The following AQR variants were observed in gnomAD, a reference collection of about 807,000 sequenced individuals.
AQR encodes the protein RNA helicase aquarius.
AQR carries 61 observed loss-of-function variants against 180.5 expected under a neutral mutation model. The observed-to-expected ratio is 0.34, with a 90% CI of 0.28 to 0.42. The LOEUF is 0.42. Ranked by LOEUF, AQR falls within the 10% of genes least tolerant of loss-of-function variation. The probability of loss-of-function intolerance (pLI) is 1.00; values close to 1 mark genes in which losing one functional copy is unlikely to be tolerated. For synonymous variants in AQR, 551 were observed against 588.8 expected, an observed-to-expected ratio of 0.94 and a Z score of 0.93; for missense variants, 1,281 against 1,798.3, an observed-to-expected ratio of 0.71 and a Z score of 5.20.
rs182560567 is a variant in AQR at position 34,940,821 on chromosome 15, C to A, written c.641+78G>T. ...GCACTCAGCACTATATAAAGGGAAA[C>A]AACAAACCAGTCAACATCATCTAAG... On this transcript the variant is annotated intron_variant, in intron 8 of 34. Coordinates refer to ENST00000156471, the MANE Select transcript of AQR (RefSeq NM_014691.3). 164 of 1,125,116 alleles carry A rather than the reference C, an allele frequency of 1.5e-4. 1 individual carries two copies. The Admixed American group carries it at 3.5e-3, about 24-fold the overall frequency. 69.7% of individuals were successfully genotyped at this position (1,125,116 alleles called of 1,614,324 possible). A position where few individuals can be genotyped will look rare whatever the true frequency, so the allele number is the denominator to read the frequency against.
At chr15:34,947,375 G>T (rs1350548095) in intron 5 of AQR, among the ~76,000 whole-genome samples, 1 of 150,446 alleles carries the variant, frequency 6.6e-6, no homozygotes, top group East Asian at 1.9e-4. Flanking sequence ...AAACACTGCG[G>T]AAGGCCACAG....
chr15:34,938,796 C>A lies in AQR; in HGVS notation c.659G>T (p.Arg220Ile), dbSNP rs761980117. 17 of 1,608,940 alleles carry A rather than the reference C, an allele frequency of 1.1e-5. No homozygotes were observed. The highest frequency in any genetic ancestry group is 1.7e-5 in the Admixed American group (1 of 59,762). Residue 220 changes from arginine (R) to isoleucine (I), a missense_variant, in exon 9 of 35, where the codon AGA becomes ATA. Arg to Ile is a moderately conservative substitution (Grantham distance 97). Transcript: ENST00000156471. ...CTTCTGGATGAGTTGTGAAAGAAAT[C>A]TCCTCTCTTGATATGCCCTAAAATC... ...EAREQAYQER[R>I]FLSQLIQKFI...
intron 23 of AQR, among the ~76,000 whole-genome samples, chr15:34,890,834 A>G (rs1893133779): frequency 6.6e-6 from 1 of 152,176 alleles, no homozygotes; most frequent in Admixed American, 6.5e-5. Context: ...GCACTCATTT[A>G]TTGCAAACTA....
intron 25 of AQR, among the ~76,000 whole-genome samples, chr15:34,885,136 T>C (rs1401656123): frequency 6.6e-6 from 1 of 152,212 alleles, no homozygotes; most frequent in Non-Finnish European, 1.5e-5. Flanking sequence ...TCTCCATATA[T>C]GGTAAGTTCA....
chr15:34,902,809 CAATA>C (rs1462582102), intron 19 of AQR, among the ~76,000 whole-genome samples: 2 of 152,220 alleles, frequency 1.3e-5, no homozygotes, highest in East Asian at 3.9e-4. Flanking sequence ...TTCGATCACT[CAATA>C]AATGTTTATT....
intron 1 of AQR, among the ~76,000 whole-genome samples, chr15:34,969,008 A>T (rs559091523): frequency 1.3e-5 from 2 of 152,336 alleles, no homozygotes; most frequent in South Asian, 4.1e-4. Context: ...CTCACAATGC[A>T]AGATAGTAAA....
chr15:34,961,564 C>G (rs916206154), intron 2 of AQR, among the ~76,000 whole-genome samples: 1 of 145,136 alleles, frequency 6.9e-6, no homozygotes, highest in Non-Finnish European at 1.5e-5. Flanking sequence ...GAGTCAAGAT[C>G]GCGCCACTGC....
rs1249828116 is a variant in AQR, at chr15:34,895,734, T to C, written c.2460+1163A>G. 3.3e-5 allele frequency among the ~76,000 whole-genome samples: 5 copies of C among 151,742 alleles called. No homozygotes were observed. In the East Asian group the frequency reaches 9.7e-4, roughly 29 times the overall value. The stretch of plus-strand genomic sequence containing the variant: ...AAAATTGACAGAACTAAAGGAGAAA[T>C]AGACAAATTCATAATTACAGTGAGA... On this transcript the variant is annotated intron_variant, in intron 22 of 34. Transcript: ENST00000156471.
chr15:34,963,661 C>CTTTTTTTTTCTTTT (rs1566793151), intron 2 of AQR, among the ~76,000 whole-genome samples: 21 of 148,580 alleles, frequency 1.4e-4, no homozygotes, highest in African/African-American at 5.1e-4. Flanking sequence ...TACACGTACA[C>CTTTTTTTTTCTTTT]TTTTTTTTTT....
chr15:34,870,944 A>G lies in AQR; in HGVS notation c.3598-22T>C, dbSNP rs375244766. 4.2e-4 allele frequency: 665 copies of G among 1,598,364 alleles called. 3 individuals are homozygous for G. The Middle Eastern group carries it at 8.4e-3, about 20-fold the overall frequency. ...GATTCTGTAATGCAAACATAATCAGACTGTGCATTCATTTGCTTTTGTTTC... is the reference window on the plus strand; with the variant it reads ...GATTCTGTAATGCAAACATAATCAGGCTGTGCATTCATTTGCTTTTGTTTC... On this transcript the variant is annotated intron_variant, in intron 30 of 34. Coordinates refer to ENST00000156471, the MANE Select transcript of AQR (RefSeq NM_014691.3).
chr15:34,915,142 C>T lies in AQR; in HGVS notation c.1380G>A (p.Leu460=). 6.2e-7 allele frequency: 1 copy of T among 1,602,466 alleles called. No homozygotes were observed. ...LALPKLNLQF[L]TLHDYLLRNF... is the part of the protein sequence containing the mutation. Reference sequence around the variant, plus strand: ...TCCTTAGCAGGTAGTCATGAAGAGTCAAAAACTGCAAATTCAATTTGGGAA... The same window carrying T: ...TCCTTAGCAGGTAGTCATGAAGAGTTAAAAACTGCAAATTCAATTTGGGAA... The change falls in exon 16 of 35, where the codon TTG becomes TTA. Residue 460 remains leucine, a synonymous_variant. Coordinates refer to ENST00000156471, the MANE Select transcript of AQR (RefSeq NM_014691.3).
chr15:34,950,138 G>T (rs1187994643), intron 4 of AQR, among the ~76,000 whole-genome samples: 2 of 133,988 alleles, frequency 1.5e-5, no homozygotes, highest in African/African-American at 5.8e-5. Flanking sequence ...TTGCCAGGCT[G>T]GAGTGCAATG....
At chr15:34,938,716 A>G in intron 9 of AQR, 21 bp downstream of exon 9, 3 of 1,360,232 alleles carry the variant, frequency 2.2e-6, no homozygotes. Flanking sequence ...TCACAAATGC[A>G]CTGAGTAAAA....
intron 31 of AQR, chr15:34,868,117 GCCCAGGAGTTAAAGA>G (rs1434263313): frequency 6.5e-6 from 1 of 153,148 alleles, no homozygotes; most frequent in Non-Finnish European, 1.5e-5. Flanking sequence ...GATCGCTTGA[GCCCAGGAGTTAAAGA>G]CCAGCCTGGG....
chr15:34,957,114 A>C (rs1894331642), intron 3 of AQR, among the ~76,000 whole-genome samples: 1 of 152,130 alleles, frequency 6.6e-6, no homozygotes, highest in South Asian at 2.1e-4. Flanking sequence ...TAGCTCAGCA[A>C]AATAATTTCC....
chr15:34,947,070 A>T (rs1894138880), intron 5 of AQR, among the ~76,000 whole-genome samples: 1 of 151,740 alleles, frequency 6.6e-6, no homozygotes, highest in Non-Finnish European at 1.5e-5. Flanking sequence ...GAATAGAAAG[A>T]GGGGAAAGGT....
chr15:34,885,944 T>C (rs1037782265), intron 25 of AQR, among the ~76,000 whole-genome samples: 1 of 152,212 alleles, frequency 6.6e-6, no homozygotes, highest in African/African-American at 2.4e-5. Context: ...AAATTATTAA[T>C]AATCCAACTG....
Position 34,915,930 on chromosome 15 carries a change from G to C in AQR, c.1343-751C>G, listed in dbSNP as rs142857593. Among the ~76,000 whole-genome samples the C allele has an allele frequency of 7.0e-3, 1,045 of 149,956 alleles. 10 individuals are homozygous for C. The highest frequency in any genetic ancestry group is 0.023 in the African/African-American group (922 of 40,750). ...CCTTGCACTCCAGCCTGGGCAACAA[G>C]AGCAAAACTCCGTCTCAAATAAAAA... On this transcript the variant is annotated intron_variant, in intron 15 of 34. Transcript: ENST00000156471.
intron 9 of AQR, 70 bp from the exon 10 acceptor site, chr15:34,934,705 G>A: frequency 2.0e-6 from 2 of 1,023,090 alleles, no homozygotes; most frequent in Non-Finnish European, 2.8e-6. Context: ...TCTGAAAACT[G>A]GCAGTTATTT....
Sources: allele counts gnomAD v4.1 joint callset (sites outside exome capture counted in the v4.1 genomes callset), GRCh38; gene constraint gnomAD v4.1.1; transcripts MANE v1.5; gene names NCBI Gene and HGNC (gene_info 2026-07-23, HGNC 2026-07-21).